The following CYP4F12 variants were observed in gnomAD, a reference collection of about 807,000 sequenced individuals.
The protein encoded by CYP4F12 is cytochrome P450 4F12.
CYP4F12 carries 60 observed loss-of-function variants against 56.5 expected under a neutral mutation model. The observed-to-expected ratio is 1.06, with a 90% CI of 0.86 to 1.32. CYP4F12 has a LOEUF of 1.32. CYP4F12 is among the 40% of genes most tolerant of loss of function. CYP4F12 has a pLI of 0.00. For missense variants in CYP4F12, 711 were observed against 683.5 expected (o/e 1.04, Z -0.45); for synonymous variants, 263 against 264.9 (o/e 0.99, Z 0.07).
chr19:15,690,134 A>G (rs2007806563), intron 9 of CYP4F12, among the ~76,000 whole-genome samples: 1 of 152,204 alleles, frequency 6.6e-6, no homozygotes, highest in Admixed American at 6.5e-5. Flanking sequence ...AGATCTGCAC[A>G]TTAACAATAT....
intron 7 of CYP4F12, 129 bp from the exon 8 acceptor site, chr19:15,684,687 A>C: frequency 1.1e-6 from 1 of 917,288 alleles, no homozygotes; most frequent in Non-Finnish European, 1.7e-6. Flanking sequence ...AGTGCATTTG[A>C]GTTTCTGGAA....
intron 9 of CYP4F12, among the ~76,000 whole-genome samples, chr19:15,692,236 G>C (rs8112294): frequency 6.6e-6 from 1 of 151,920 alleles, no homozygotes; most frequent in Non-Finnish European, 1.5e-5. Context: ...ACTTTCTAAT[G>C]GGTTTTAATA....
At chr19:15,673,354 C>A in intron 1 of CYP4F12, 175 bp from the exon 2 acceptor site, 1 of 665,808 alleles carries the variant, frequency 1.5e-6, no homozygotes, top group African/African-American at 1.8e-5. Context: ...CTGGAGGCCA[C>A]TTAGTTGTTG....
chr19:15,687,114 A>G (rs1486534630), intron 9 of CYP4F12, among the ~76,000 whole-genome samples: 1 of 152,104 alleles, frequency 6.6e-6, no homozygotes, highest in Non-Finnish European at 1.5e-5. Flanking sequence ...CGTCTCTACT[A>G]AAAGTATAAA....
chr19:15,680,705 C>T lies in CYP4F12; in HGVS notation c.525+186C>T, dbSNP rs536209285. On this transcript the variant is annotated intron_variant, in intron 5 of 12. Coordinates refer to ENST00000550308, the MANE Select transcript of CYP4F12 (RefSeq NM_023944.4). ...CTTGAAAGGTCATTTACTTGGCACACAGTAGGTTCTCAGAAGGTGTCAGTT... is the reference window on the plus strand; with the variant it reads ...CTTGAAAGGTCATTTACTTGGCACATAGTAGGTTCTCAGAAGGTGTCAGTT... The T allele has an allele frequency of 2.1e-5, 16 of 746,942 alleles. No homozygotes were observed. In the African/African-American group the frequency reaches 2.6e-4, roughly 12 times the overall value. 46.3% of individuals were successfully genotyped at this position (746,942 alleles called of 1,614,324 possible).
At chr19:15,691,540 C>G (rs2007868367) in intron 9 of CYP4F12, among the ~76,000 whole-genome samples, 1 of 152,072 alleles carries the variant, frequency 6.6e-6, no homozygotes, top group South Asian at 2.1e-4. Context: ...TTTTAATGAG[C>G]ATTTTCTTAA....
At chr19:15,677,206 C>T (rs2006997848) in intron 2 of CYP4F12, among the ~76,000 whole-genome samples, 1 of 134,632 alleles carries the variant, frequency 7.4e-6, no homozygotes. Flanking sequence ...CATTCCTCTC[C>T]TCACTTACTC....
rs559542588 is a variant in CYP4F12, at chr19:15,684,868, C to T, written c.971C>T (p.Thr324Ile). 17 of 1,606,980 alleles carry T rather than the reference C, an allele frequency of 1.1e-5. No individual in the cohort carries two copies. In the Admixed American group the frequency reaches 2.2e-4, roughly 21 times the overall value. ...SDEDIRAEAD[T>I]FMFGGHDTTA... is the part of the protein sequence containing the mutation. The stretch of plus-strand genomic sequence containing the variant: ...GAGGATATAAGAGCAGAGGCTGACA[C>T]CTTCATGTTTGGAGGTGAGGGTCCC... Residue 324 changes from threonine to isoleucine, a missense_variant, in exon 8 of 13, where the codon ACC becomes ATC. Physicochemically the swap from Thr to Ile is moderately conservative, Grantham distance 89 (BLOSUM62 -1). Coordinates refer to ENST00000550308, the MANE Select transcript of CYP4F12 (RefSeq NM_023944.4).
intron 7 of CYP4F12, chr19:15,684,222 A>T (rs3848642): frequency 6.4e-6 from 1 of 155,382 alleles, no homozygotes; most frequent in Non-Finnish European, 1.4e-5. Context: ...GGGCCCCCAC[A>T]TTATGAGTAT....
intron 9 of CYP4F12, among the ~76,000 whole-genome samples, chr19:15,690,015 G>T (rs1352791462): frequency 2.6e-5 from 4 of 152,094 alleles, no homozygotes; most frequent in African/African-American, 9.7e-5. Context: ...ACACTGCATG[G>T]GTGATGGGTG....
intron 5 of CYP4F12, chr19:15,680,763 C>A: frequency 1.8e-6 from 1 of 541,894 alleles, no homozygotes; most frequent in Non-Finnish European, 3.3e-6. Flanking sequence ...CCTGTAAACT[C>A]AAGAGAGTAA....
intron 2 of CYP4F12, among the ~76,000 whole-genome samples, chr19:15,677,068 T>A (rs1271347807): frequency 7.1e-6 from 1 of 140,564 alleles, no homozygotes. Context: ...CAGTCATTCC[T>A]GTCCTCACTC....
Position 15,683,606 on chromosome 19 carries a change from G to A in CYP4F12, c.761G>A (p.Arg254Gln), listed in dbSNP as rs200705633. Residue 254 changes from arginine (R) to glutamine (Q), a missense_variant, in exon 7 of 13, where the codon CGG becomes CAG. Arg to Gln is a conservative substitution (Grantham distance 43). Coordinates refer to ENST00000550308, the MANE Select transcript of CYP4F12 (RefSeq NM_023944.4). Reference protein sequence around the residue: ...DFLYYLSHDGRRFHRACRLVH... With the variant: ...DFLYYLSHDGQRFHRACRLVH... ...CTGTATTACCTCTCCCATGACGGGCGGCGCTTCCACAGGGCCTGCCGCCTG... is the reference window on the plus strand; with the variant it reads ...CTGTATTACCTCTCCCATGACGGGCAGCGCTTCCACAGGGCCTGCCGCCTG... 77 of 1,614,134 alleles carry A rather than the reference G, an allele frequency of 4.8e-5. No homozygotes were observed. Among genetic ancestry groups the A allele is most frequent in the Admixed American group, 4.0e-4 (24 of 60,012 alleles).
intron 9 of CYP4F12, among the ~76,000 whole-genome samples, chr19:15,689,469 TGTTGTGGATGTATTGAAAAGTGAATG>T (rs1347825614): frequency 1.3e-5 from 2 of 152,174 alleles, no homozygotes; most frequent in African/African-American, 4.8e-5. Context: ...AATAGATGTA[TGTTGTGGATGTATTGAAAAGTGAATG>T]CTCATACACT....
chr19:15,680,583 G>T, intron 5 of CYP4F12, 64 bp downstream of exon 5: 1 of 1,612,096 alleles, frequency 6.2e-7, no homozygotes, highest in Non-Finnish European at 8.5e-7. Flanking sequence ...GGACACATCT[G>T]GTCTGGAATT....
chr19:15,691,565 G>A (rs1286910423), intron 9 of CYP4F12, among the ~76,000 whole-genome samples: 3 of 152,086 alleles, frequency 2.0e-5, no homozygotes, highest in African/African-American at 7.2e-5. Context: ...GAGTGAGAAA[G>A]AACATCCTTT....
intron 2 of CYP4F12, among the ~76,000 whole-genome samples, chr19:15,675,559 C>A (rs76159823): frequency 6.6e-6 from 1 of 152,220 alleles, no homozygotes; most frequent in Non-Finnish European, 1.5e-5. Flanking sequence ...TCCATGGGGA[C>A]CTTCCCATAT....
At chr19:15,694,705 G>A (rs956953330) in intron 9 of CYP4F12, among the ~76,000 whole-genome samples, 3 of 152,192 alleles carry the variant, frequency 2.0e-5, no homozygotes, top group South Asian at 4.1e-4. Context: ...TAATTGCCCT[G>A]GCCAGAACTT....
chr19:15,677,993 C>CACTCACTCATTCCTCTCCCT (rs2007075407), intron 2 of CYP4F12, among the ~76,000 whole-genome samples: 1 of 1,916 alleles, frequency 5.2e-4, no homozygotes, highest in African/African-American at 1.0e-3. Context: ...TTCCTCTCCT[C>CACTCACTCATTCCTCTCCCT]ACTCACTCAT....
Sources: allele counts gnomAD v4.1 joint callset (sites outside exome capture counted in the v4.1 genomes callset), GRCh38; gene constraint gnomAD v4.1.1; transcripts MANE v1.5; gene names NCBI Gene and HGNC (gene_info 2026-07-23, HGNC 2026-07-21).